Variants in SPATA6L observed in about 807,000 individuals in gnomAD.
The protein encoded by SPATA6L is spermatogenesis associated 6 like.
In SPATA6L, 68 loss-of-function variants were observed where a neutral mutation model predicts 49.2. That is an observed-to-expected ratio of 1.38 (90% CI 1.14 to 1.69). The LOEUF (loss-of-function observed/expected upper bound fraction) is 1.69. Among genes scored for constraint, SPATA6L ranks in the 40% most tolerant of loss-of-function variants. The pLI is 0.00. For synonymous variants in SPATA6L, 198 were observed against 165.7 expected, an observed-to-expected ratio of 1.19 and a Z score of -1.50; for missense variants, 668 against 464.3, an observed-to-expected ratio of 1.44 and a Z score of -4.03.
chr9:4,618,276 G>A (rs1200460056), intron 8 of SPATA6L, among the ~76,000 whole-genome samples, 166 bp from the exon 9 acceptor site: 1 of 151,924 alleles, frequency 6.6e-6, no homozygotes, highest in East Asian at 1.9e-4. Flanking sequence ...GAAGACTAGT[G>A]ACAAAATGCT....
At position 4,629,769 on chromosome 9, in the gene SPATA6L, G is replaced by GTGTGTGTGTA. The variant is rs1311805859; in HGVS notation, c.352-602_352-601insTACACACACA. ...GTGTTTTATATATGTGTGTGTGTGT[G>GTGTGTGTGTA]TATATATATATATATATATATATAT... is the stretch of plus-strand genomic sequence containing the variant. On this transcript the variant is annotated intron_variant, in intron 4 of 11. Transcript: ENST00000682582. Among the ~76,000 whole-genome samples, 142 of 101,910 alleles carry GTGTGTGTGTA rather than the reference G, an allele frequency of 1.4e-3. 1 individual carries two copies. The highest frequency in any genetic ancestry group is 6.1e-3 in the African/African-American group (123 of 20,146). The allele number at this position is 101,910 out of a possible 152,430, so 66.9% of individuals were successfully genotyped here.
At chr9:4,611,254 T>A (rs1291864975) in intron 9 of SPATA6L, among the ~76,000 whole-genome samples, 2 of 144,954 alleles carry the variant, frequency 1.4e-5, no homozygotes. Context: ...TCCTCAGGGA[T>A]CTAGAACTAG....
chr9:4,659,120 G>A (rs1838998228), intron 2 of SPATA6L, among the ~76,000 whole-genome samples: 1 of 152,086 alleles, frequency 6.6e-6, no homozygotes, highest in Admixed American at 6.6e-5. Flanking sequence ...ATGTTCCAAG[G>A]TAATAGCCAT....
chr9:4,639,192 G>A (rs933415547), intron 3 of SPATA6L, among the ~76,000 whole-genome samples: 3 of 152,204 alleles, frequency 2.0e-5, no homozygotes, highest in South Asian at 4.1e-4. Context: ...CCCAGCAGCG[G>A]CCCCAGAACT....
At chr9:4,589,361 G>C (rs923433937) in intron 13 of SPATA6L, among the ~76,000 whole-genome samples, 6 of 152,112 alleles carry the variant, frequency 3.9e-5, no homozygotes, top group African/African-American at 1.2e-4. Context: ...GGATGCAATT[G>C]CTGTTCCAGT....
intron 7 of SPATA6L, among the ~76,000 whole-genome samples, chr9:4,620,761 G>A (rs1323327084): frequency 6.6e-6 from 1 of 152,166 alleles, no homozygotes; most frequent in Non-Finnish European, 1.5e-5. Flanking sequence ...AAAGACAAAG[G>A]CCGAGACCAG....
Position 4,666,202 on chromosome 9 carries a change from G to T in SPATA6L, c.39+10C>A. ...TGAGGTTAAGGAGGGGGAGTTCATC[G>T]ATCTCTTACCGCCCGGATCTGCAGC... is the stretch of plus-strand genomic sequence containing the variant. On this transcript the variant is annotated intron_variant, in intron 1 of 11. Transcript: ENST00000682582. 1 of 1,614,022 alleles carries T rather than the reference G, an allele frequency of 6.2e-7. No homozygotes were observed. Among genetic ancestry groups the T allele is most frequent in the African/African-American group, 1.3e-5 (1 of 75,008 alleles).
At chr9:4,648,648 C>A (rs547616409) in intron 3 of SPATA6L, among the ~76,000 whole-genome samples, 1 of 151,408 alleles carries the variant, frequency 6.6e-6, no homozygotes, top group South Asian at 2.1e-4. Flanking sequence ...TGCAGTGAGC[C>A]GAGATTGCGC....
At chr9:4,623,220 C>T (rs538441947) in intron 6 of SPATA6L, among the ~76,000 whole-genome samples, 6 of 152,074 alleles carry the variant, frequency 3.9e-5, no homozygotes, top group Non-Finnish European at 7.4e-5. Context: ...GCGAAGATTG[C>T]GGTGAGCTGA....
intron 10 of SPATA6L, among the ~76,000 whole-genome samples, chr9:4,604,827 G>C (rs1824319846): frequency 6.6e-6 from 1 of 152,148 alleles, no homozygotes; most frequent in Non-Finnish European, 1.5e-5. Context: ...CTGTGTATCT[G>C]AATCAGTGAC....
chr9:4,594,272 C>A (rs545387329), downstream of SPATA6L, among the ~76,000 whole-genome samples: 4 of 152,308 alleles, frequency 2.6e-5, no homozygotes, highest in East Asian at 7.7e-4. Flanking sequence ...TGCAGTGGCG[C>A]GAACTCAGCT....
chr9:4,629,504 G>A lies in SPATA6L; in HGVS notation c.352-336C>T, dbSNP rs149171168. Among the ~76,000 whole-genome samples, 968 of 151,712 alleles carry A rather than the reference G, an allele frequency of 6.4e-3. 13 individuals are homozygous for A. Among genetic ancestry groups the A allele is most frequent in the African/African-American group, 0.023 (930 of 41,314 alleles). ...GCTATTAATTGAACCCAGGCATTCC[G>A]GCTCCAGTGTCCATGATGTTAGCTA... On this transcript the variant is annotated intron_variant, in intron 4 of 11. Transcript: ENST00000682582.
At chr9:4,663,023 A>G in intron 1 of SPATA6L, 1 of 1,613,590 alleles carries the variant, frequency 6.2e-7, no homozygotes, top group Non-Finnish European at 8.5e-7. Flanking sequence ...GCCATGCCAC[A>G]AGGGCCGCCC....
Position 4,606,894 on chromosome 9 carries a change from G to C in SPATA6L, c.996-1454C>G, listed in dbSNP as rs1825368163. ...CAAAGGCAAAGAAGCTGAAAACTTT[G>C]AAAAAAATTTAGAAGAATGTATAAC... On this transcript the variant is annotated intron_variant, in intron 9 of 11. Coordinates refer to ENST00000682582, the MANE Select transcript of SPATA6L (RefSeq NM_001353486.2). 2.1e-5 allele frequency among the ~76,000 whole-genome samples: 3 copies of C among 142,414 alleles called. No homozygotes were observed. In the South Asian group the frequency reaches 6.6e-4, roughly 31 times the overall value. 93.4% of individuals were successfully genotyped at this position (142,414 alleles called of 152,430 possible). A position where few individuals can be genotyped will look rare whatever the true frequency, so the allele number is the denominator to read the frequency against.
chr9:4,646,123 T>TACACACACACAC (rs112163366), intron 3 of SPATA6L, among the ~76,000 whole-genome samples: 2 of 149,518 alleles, frequency 1.3e-5, no homozygotes, highest in Admixed American at 6.7e-5. Flanking sequence ...CTTAGGGTTT[T>TACACACACACAC]ACACACACAC....
chr9:4,608,500 A>C lies in SPATA6L; in HGVS notation c.996-3060T>G, dbSNP rs1825866496. ...CTCAGGATTAAGAATCTCACTCAAA[A>C]CCACTCAACTACATGGAAACTGAAC... On this transcript the variant is annotated intron_variant, in intron 9 of 11. Coordinates refer to ENST00000682582, the MANE Select transcript of SPATA6L (RefSeq NM_001353486.2). 2.6e-5 allele frequency among the ~76,000 whole-genome samples: 3 copies of C among 117,358 alleles called. No individual in the cohort carries two copies. In the South Asian group the frequency reaches 9.1e-4, roughly 36 times the overall value. The allele number at this position is 117,358 out of a possible 152,430, so 77.0% of individuals were successfully genotyped here. A position where few individuals can be genotyped will look rare whatever the true frequency, so the allele number is the denominator to read the frequency against.
At chr9:4,660,752 T>C (rs1156845071) in intron 2 of SPATA6L, among the ~76,000 whole-genome samples, 4 of 152,332 alleles carry the variant, frequency 2.6e-5, no homozygotes, top group African/African-American at 7.2e-5. Context: ...TGCAGCACTA[T>C]TCACAATAGC....
At chr9:4,617,870 C>T (rs922289154) in intron 9 of SPATA6L, 53 bp downstream of exon 9, 41 of 1,469,176 alleles carry the variant, frequency 2.8e-5, no homozygotes, top group Middle Eastern at 2.0e-4. Context: ...AGCTTTACCC[C>T]TGCCAGGCCA....
intron 5 of SPATA6L, chr9:4,626,657 T>C (rs2130467236): frequency 2.0e-6 from 2 of 1,006,706 alleles, no homozygotes; most frequent in South Asian, 1.6e-5. Context: ...TTTTAAAAAT[T>C]AAATCTTTCT....
Sources: gnomAD v4.1 joint callset for allele counts (sites outside exome capture counted in the v4.1 genomes callset) on GRCh38, gnomAD v4.1.1 for gene constraint, MANE v1.5 for transcripts, NCBI Gene and HGNC (gene_info 2026-07-23, HGNC 2026-07-21) for gene names.